The following GPM6B variants were observed in gnomAD, a reference collection of about 807,000 sequenced individuals.
GPM6B encodes neuronal membrane glycoprotein M6-b.
In GPM6B, 4 loss-of-function variants were observed where a neutral mutation model predicts 27.2. That is an observed-to-expected ratio of 0.15 (90% CI 0.07 to 0.34). GPM6B has a LOEUF of 0.34. GPM6B is among the 10% of genes least tolerant of loss of function. The pLI, the probability that GPM6B is intolerant of heterozygous loss-of-function variation, is 1.00. For synonymous variants in GPM6B, 124 were observed against 103.1 expected (o/e 1.20, Z -1.23); for missense variants, 183 against 261.9 (o/e 0.70, Z 2.08).
intron 3 of GPM6B, among the ~76,000 whole-genome samples, chrX:13,785,389 T>C (rs909764996): frequency 9.0e-6 from 1 of 111,098 alleles, no homozygotes; most frequent in African/African-American, 3.3e-5. Context: ...TTCAACTGGT[T>C]CTCCTGCCTC....
At chrX:13,840,813 A>T (rs1458376174) in intron 1 of GPM6B, among the ~76,000 whole-genome samples, 2 of 105,207 alleles carry the variant, frequency 1.9e-5, no homozygotes, top group Non-Finnish European at 3.8e-5. Context: ...CAGACACACA[A>T]ATGTGTGTGT....
intron 1 of GPM6B, among the ~76,000 whole-genome samples, chrX:13,808,391 G>C (rs1244805196): frequency 1.8e-5 from 2 of 112,053 alleles, no homozygotes; most frequent in East Asian, 2.8e-4. Context: ...TCTTGGGCTC[G>C]AACCACTGCT....
chrX:13,809,987 A>G (rs1204473548), intron 1 of GPM6B, among the ~76,000 whole-genome samples: 1 of 106,876 alleles, frequency 9.4e-6, no homozygotes, highest in African/African-American at 3.4e-5. Flanking sequence ...GCATGGTGGC[A>G]TACGCCTATA....
rs11095627 is a variant in GPM6B, at chrX:13,772,214, G to A, written c.*667C>T. On this transcript the variant is annotated 3_prime_UTR_variant, in exon 8 of 8. Transcript: ENST00000316715. ...AAAATTGCTTCTGGAAAGCTTGTCA[G>A]TGAGTCCAGCATCCAGATTCTTTAA... The A allele has an allele frequency of 0.24, 26,453 of 111,280 alleles. 2,610 individuals carry two copies. The highest frequency in any genetic ancestry group is 0.42 in the South Asian group (1,126 of 2,665). 9.2% of individuals were successfully genotyped at this position (111,280 alleles called of 1,213,427 possible).
chrX:13,836,192 C>T (rs2049492612), intron 1 of GPM6B, among the ~76,000 whole-genome samples: 1 of 111,934 alleles, frequency 8.9e-6, no homozygotes, highest in Non-Finnish European at 1.9e-5. Flanking sequence ...GGCTGATCTG[C>T]TCCTTCACGA....
chrX:13,797,568 A>C (rs1251159773), intron 2 of GPM6B, among the ~76,000 whole-genome samples: 1 of 111,203 alleles, frequency 9.0e-6, no homozygotes, highest in African/African-American at 3.3e-5. Context: ...TGCCTGGTCC[A>C]TGGAAGATGT....
chrX:13,841,301 A>ACC (rs2049571430), intron 1 of GPM6B, among the ~76,000 whole-genome samples: 1 of 111,638 alleles, frequency 9.0e-6, no homozygotes, highest in South Asian at 3.7e-4. Flanking sequence ...AGGCATCACT[A>ACC]CCCTTCCAAC....
At chrX:13,852,992 C>T (rs185224453) in intron 1 of GPM6B, among the ~76,000 whole-genome samples, 16 of 110,375 alleles carry the variant, frequency 1.4e-4, no homozygotes, top group African/African-American at 5.0e-4. Flanking sequence ...GTTACAGCTA[C>T]AGGATAAATT....
intron 1 of GPM6B, among the ~76,000 whole-genome samples, chrX:13,837,002 C>G (rs934328722): frequency 8.9e-6 from 1 of 112,313 alleles, no homozygotes; most frequent in Non-Finnish European, 1.9e-5. Flanking sequence ...GAGTAAGCAT[C>G]CAATACTGTT....
upstream of GPM6B, among the ~76,000 whole-genome samples, chrX:13,819,904 A>G (rs1350407817): frequency 9.0e-6 from 1 of 111,681 alleles, no homozygotes; most frequent in Admixed American, 9.5e-5. Context: ...TAGGGTAGGG[A>G]AGGGAAAAGC....
intron 1 of GPM6B, among the ~76,000 whole-genome samples, chrX:13,910,540 G>A (rs912055796): frequency 3.5e-5 from 4 of 113,197 alleles, no homozygotes; most frequent in African/African-American, 9.6e-5. Flanking sequence ...CCGCCTGTGC[G>A]GTATGACAAA....
Position 13,772,980 on chromosome X carries a change from C to T in GPM6B, c.888G>A (p.Ala296=), listed in dbSNP as rs755045438. The T allele has an allele frequency of 1.1e-5, 13 of 1,207,990 alleles. No individual in the cohort carries two copies. Among genetic ancestry groups the T allele is most frequent in the Non-Finnish European group, 1.0e-5 (9 of 893,662 alleles). The change falls in exon 8 of 8, where the codon GCG becomes GCA. Residue 296 remains alanine, a synonymous_variant. Coordinates refer to ENST00000316715, the MANE Select transcript of GPM6B (RefSeq NM_001001995.3). The stretch of plus-strand genomic sequence containing the variant: ...TATCCTGGTAAGCCTGCATTTTGCT[C>T]GCATCCTTTAAGTAAGCCCAGTTAG... The part of the protein sequence containing the change: ...LSSNWAYLKD[A]SKMQAYQDIK...
chrX:13,787,041 CAAAAAAAAAAAAAAAAA>C (rs869123073), intron 2 of GPM6B, among the ~76,000 whole-genome samples: 9 of 24,512 alleles, frequency 3.7e-4, no homozygotes, highest in African/African-American at 1.4e-3. Flanking sequence ...ATTAAGCCAG[CAAAAAAAAAAAAAAAAA>C]AAAAAAAAAA....
At chrX:13,805,900 T>A (rs2049012415) in intron 2 of GPM6B, among the ~76,000 whole-genome samples, 1 of 111,729 alleles carries the variant, frequency 9.0e-6, no homozygotes, top group African/African-American at 3.3e-5. Flanking sequence ...CAGTTGTTTC[T>A]GATAACTTGG....
At chrX:13,852,345 A>T in intron 1 of GPM6B, among the ~76,000 whole-genome samples, 1 of 111,574 alleles carries the variant, frequency 9.0e-6, no homozygotes. Flanking sequence ...CTTGATTTTG[A>T]TTCACCTCAA....
At chrX:13,913,383 G>A (rs767757234) in intron 1 of GPM6B, among the ~76,000 whole-genome samples, 3 of 110,280 alleles carry the variant, frequency 2.7e-5, no homozygotes, top group Non-Finnish European at 5.7e-5. Context: ...GAACTCCTGG[G>A]CTCAAGCAAT....
At chrX:13,888,275 C>T (rs1367873130) in intron 1 of GPM6B, among the ~76,000 whole-genome samples, 1 of 112,344 alleles carries the variant, frequency 8.9e-6, no homozygotes, top group Non-Finnish European at 1.9e-5. Context: ...TCAATCATAA[C>T]AGATCTTCCA....
intron 2 of GPM6B, among the ~76,000 whole-genome samples, chrX:13,793,777 G>C (rs779453647): frequency 9.0e-6 from 1 of 110,879 alleles, no homozygotes; most frequent in Non-Finnish European, 1.9e-5. Context: ...AGGAATTAGA[G>C]GGTTGGGGTT....
chrX:13,843,770 T>C (rs1378368318), intron 1 of GPM6B, among the ~76,000 whole-genome samples: 1 of 112,242 alleles, frequency 8.9e-6, no homozygotes, highest in African/African-American at 3.2e-5. Context: ...ATTTTTATTT[T>C]GGGTTGTCTT....
Sources: gnomAD v4.1 joint callset for allele counts (sites outside exome capture counted in the v4.1 genomes callset) on GRCh38, gnomAD v4.1.1 for gene constraint, MANE v1.5 for transcripts, NCBI Gene and HGNC (gene_info 2026-07-23, HGNC 2026-07-21) for gene names.